The following TSPAN9 variants were observed in gnomAD, a reference collection of about 807,000 sequenced individuals.
TSPAN9 encodes tetraspanin-9.
TSPAN9 carries 16 observed loss-of-function variants against 31.0 expected under a neutral mutation model. That is an observed-to-expected ratio of 0.52 (90% confidence interval 0.35 to 0.78). TSPAN9 has a LOEUF of 0.78. Among genes scored for constraint, TSPAN9 ranks in the 30% least tolerant of loss-of-function variants. The probability of loss-of-function intolerance (pLI) is 0.01; values close to 1 mark genes in which losing one functional copy is unlikely to be tolerated. For synonymous variants in TSPAN9, 145 were observed against 121.6 expected (o/e 1.19, Z -1.27); for missense variants, 272 against 312.5 (o/e 0.87, Z 0.98).
intron 1 of TSPAN9, among the ~76,000 whole-genome samples, chr12:3,080,423 C>A (rs1353534970): frequency 6.6e-6 from 1 of 152,176 alleles, no homozygotes; most frequent in Non-Finnish European, 1.5e-5. Context: ...GCAACCTCCG[C>A]CTCCCGGGTT....
At chr12:3,117,473 G>A (rs1349743287) in intron 2 of TSPAN9, among the ~76,000 whole-genome samples, 1 of 140,072 alleles carries the variant, frequency 7.1e-6, no homozygotes, top group African/African-American at 2.6e-5. Context: ...TCTTCCGTTG[G>A]TGGGAGAAAT....
At chr12:3,250,766 C>T (rs1271585710) in intron 3 of TSPAN9, among the ~76,000 whole-genome samples, 1 of 152,240 alleles carries the variant, frequency 6.6e-6, no homozygotes, top group Non-Finnish European at 1.5e-5. Flanking sequence ...TGTGACGGAG[C>T]GCCAGAGGTA....
At chr12:3,257,158 T>C (rs1425412108) in intron 3 of TSPAN9, among the ~76,000 whole-genome samples, 1 of 152,086 alleles carries the variant, frequency 6.6e-6, no homozygotes, top group East Asian at 1.9e-4. Flanking sequence ...CTGTGGGTCT[T>C]GGGCTTTTGT....
rs1046795495 is a variant in TSPAN9, at chr12:3,284,825, T to C, written c.*1709T>C. 6.6e-6 allele frequency: 1 copy of C among 152,264 alleles called. No homozygotes were observed. Among genetic ancestry groups the C allele is most frequent in the Non-Finnish European group, 1.5e-5 (1 of 68,090 alleles). The allele number at this position is 152,264 out of a possible 1,614,324, so 9.4% of individuals were successfully genotyped here. ...TTGTCTTGTCACCCTGGTTTCCCAC[T>C]GGGGCCAGGTCTCTTCTCCAGCCTC... On this transcript the variant is annotated 3_prime_UTR_variant, in exon 9 of 9. Coordinates refer to ENST00000011898, the MANE Select transcript of TSPAN9 (RefSeq NM_006675.5).
intron 2 of TSPAN9, among the ~76,000 whole-genome samples, chr12:3,119,991 G>A (rs550442514): frequency 6.6e-6 from 1 of 152,286 alleles, no homozygotes; most frequent in South Asian, 2.1e-4. Flanking sequence ...CCTCTCTGTA[G>A]CGCAAGGAGT....
rs1429278989 is a variant in TSPAN9 at position 3,286,194 on chromosome 12, T to C, written c.*3078T>C. ...CGTGGCATAGGATGGGAGCTGGGCG[T>C]GAGGTGCTTGGGGTCCATTCTTTGT... On this transcript the variant is annotated 3_prime_UTR_variant, in exon 9 of 9. Transcript: ENST00000011898. The surrounding 1 kb of genome is among the most constrained non-coding windows in gnomAD (Gnocchi z 4.1). The C allele has an allele frequency of 6.5e-6, 1 of 152,796 alleles. No individual in the cohort carries two copies. The highest frequency in any genetic ancestry group is 2.4e-5 in the African/African-American group (1 of 41,460). The allele number at this position is 152,796 out of a possible 1,614,324, so 9.5% of individuals were successfully genotyped here. A position where few individuals can be genotyped will look rare whatever the true frequency, so the allele number is the denominator to read the frequency against.
chr12:3,156,750 T>C (rs1311185995), intron 2 of TSPAN9, among the ~76,000 whole-genome samples: 3 of 152,126 alleles, frequency 2.0e-5, no homozygotes, highest in African/African-American at 7.2e-5. Context: ...TCAAGTGATC[T>C]GCCCTCCTCA....
At chr12:3,199,635 T>TG (rs1319942869) in intron 2 of TSPAN9, among the ~76,000 whole-genome samples, 4 of 152,210 alleles carry the variant, frequency 2.6e-5, no homozygotes, top group Non-Finnish European at 5.9e-5. Context: ...TCAGCCTGCC[T>TG]GGGGTTCCAG....
At chr12:3,188,230 ACATTCATTCATT>A (rs140219018) in intron 2 of TSPAN9, among the ~76,000 whole-genome samples, 1 of 152,076 alleles carries the variant, frequency 6.6e-6, no homozygotes, top group East Asian at 1.9e-4. Flanking sequence ...AGGCATGCTC[ACATTCATTCATT>A]CATTCATTCA....
rs1279366489 is a variant in TSPAN9 at position 3,143,295 on chromosome 12, T to C, written c.-17-57882T>C. On this transcript the variant is annotated intron_variant, in intron 2 of 8. Coordinates refer to ENST00000011898, the MANE Select transcript of TSPAN9 (RefSeq NM_006675.5). This position sits in a 1 kb window ranked among gnomAD's most constrained non-coding sequence, Gnocchi z 4.2. ...TAATTAATAATATTTATAATTATATTAATTATAATTAATACACCATTAATG... is the reference window on the plus strand; with the variant it reads ...TAATTAATAATATTTATAATTATATCAATTATAATTAATACACCATTAATG... Among the ~76,000 whole-genome samples, 1 of 149,108 alleles carries C rather than the reference T, an allele frequency of 6.7e-6. No individual in the cohort carries two copies. Among genetic ancestry groups the C allele is most frequent in the East Asian group, 1.9e-4 (1 of 5,162 alleles).
chr12:3,226,782 A>ATT (rs1565622641), intron 3 of TSPAN9, among the ~76,000 whole-genome samples: 1 of 3,182 alleles, frequency 3.1e-4, no homozygotes, highest in African/African-American at 1.4e-3. Flanking sequence ...ATATATATAT[A>ATT]TATATATATA....
chr12:3,077,930 A>C (rs2098295926), intron 1 of TSPAN9, among the ~76,000 whole-genome samples: 1 of 152,168 alleles, frequency 6.6e-6, no homozygotes, highest in African/African-American at 2.4e-5. Context: ...CAGCACTCCG[A>C]GTGACAGGAC....
chr12:3,078,008 T>C (rs1163957111), intron 1 of TSPAN9, among the ~76,000 whole-genome samples: 1 of 152,188 alleles, frequency 6.6e-6, no homozygotes, highest in Non-Finnish European at 1.5e-5. Context: ...CAAAAAACTT[T>C]CTTGTGGTTT....
intron 2 of TSPAN9, among the ~76,000 whole-genome samples, chr12:3,141,403 C>T (rs148507379): frequency 7.9e-4 from 120 of 152,266 alleles, no homozygotes; most frequent in African/African-American, 2.8e-3. Context: ...GCTATCCGGC[C>T]GGCCTCTGCA....
chr12:3,108,993 T>C (rs11611758), intron 2 of TSPAN9, among the ~76,000 whole-genome samples: 7 of 152,002 alleles, frequency 4.6e-5, no homozygotes, highest in East Asian at 1.9e-4. Context: ...TGCAGTGCAG[T>C]GGCGCGATCT....
chr12:3,245,844 C>T (rs550257560), intron 3 of TSPAN9, among the ~76,000 whole-genome samples: 7 of 151,520 alleles, frequency 4.6e-5, no homozygotes, highest in South Asian at 2.1e-4. Flanking sequence ...CTTTGCTGGG[C>T]GGATTTGGGC....
intron 7 of TSPAN9, 30 bp from the exon 8 acceptor site, chr12:3,281,704 G>A: frequency 6.2e-7 from 1 of 1,603,924 alleles, no homozygotes; most frequent in Non-Finnish European, 8.5e-7. Flanking sequence ...CTTGGGCTGG[G>A]ACCCTAACCT....
intron 2 of TSPAN9, among the ~76,000 whole-genome samples, chr12:3,117,469 G>A (rs1283720778): frequency 7.0e-6 from 1 of 143,494 alleles, no homozygotes; most frequent in East Asian, 2.1e-4. Context: ...TGTCTCTTCC[G>A]TTGGTGGGAG....
chr12:3,266,855 G>A (rs1347434216), intron 3 of TSPAN9, among the ~76,000 whole-genome samples: 2 of 152,212 alleles, frequency 1.3e-5, no homozygotes, highest in Admixed American at 6.5e-5. Context: ...TGCTCCACAT[G>A]TGGGCCCTGT....
Sources: allele counts gnomAD v4.1 joint callset (sites outside exome capture counted in the v4.1 genomes callset), GRCh38; gene constraint gnomAD v4.1.1; non-coding constraint Gnocchi (gnomAD v3.1); transcripts MANE v1.5; gene names NCBI Gene and HGNC (gene_info 2026-07-23, HGNC 2026-07-21).